GARNL3: variants seen among roughly 807,000 people sequenced by gnomAD.
The protein encoded by GARNL3 is GTPase activating Rap/RanGAP domain like 3.
Under a neutral mutation model 125.0 loss-of-function variants are expected in GARNL3, and 63 were observed. The ratio of observed to expected loss-of-function variants is 0.50; its 90% CI spans 0.41 to 0.62. The LOEUF is 0.62. Ranked by LOEUF, GARNL3 falls within the 20% of genes least tolerant of loss-of-function variation. The pLI is 0.00. For missense variants in GARNL3, 994 were observed against 1,244.0 expected (o/e 0.80, Z 3.02); for synonymous variants, 439 against 457.5 (o/e 0.96, Z 0.52).
chr9:127,300,754 C>A (rs754976607), intron 2 of GARNL3: 3 of 359,918 alleles, frequency 8.3e-6, no homozygotes, highest in Non-Finnish European at 1.6e-5. Flanking sequence ...CGCGCCTGGC[C>A]CTATTTGGGT....
At chr9:127,249,354 T>G (rs2063360174) in intron 2 of GARNL3, among the ~76,000 whole-genome samples, 1 of 150,742 alleles carries the variant, frequency 6.6e-6, no homozygotes, top group Admixed American at 6.6e-5. Flanking sequence ...GAGGCTGAGG[T>G]GGGTGGATCA....
At chr9:127,251,066 A>G (rs2063392995) in intron 2 of GARNL3, among the ~76,000 whole-genome samples, 1 of 152,176 alleles carries the variant, frequency 6.6e-6, no homozygotes, top group African/African-American at 2.4e-5. Context: ...ACCTCATCTC[A>G]AAGTACAGTA....
intron 4 of GARNL3, among the ~76,000 whole-genome samples, chr9:127,316,557 A>T (rs1380647585): frequency 6.6e-6 from 1 of 152,168 alleles, no homozygotes; most frequent in Non-Finnish European, 1.5e-5. Flanking sequence ...AATGGGAAGG[A>T]CCTGTAGAAT....
At chr9:127,367,186 C>T (rs1831331163) in intron 22 of GARNL3, 1 of 152,200 alleles carries the variant, frequency 6.6e-6, no homozygotes. Context: ...CACGGTCATC[C>T]AGGTCACTTC....
intron 12 of GARNL3, among the ~76,000 whole-genome samples, chr9:127,338,898 C>T (rs1829698625): frequency 6.6e-6 from 1 of 152,152 alleles, no homozygotes; most frequent in Non-Finnish European, 1.5e-5. Context: ...AGCAAATATT[C>T]CTGACACATC....
chr9:127,327,907 C>T (rs144385090), intron 7 of GARNL3, among the ~76,000 whole-genome samples: 114 of 152,254 alleles, frequency 7.5e-4, no homozygotes, highest in African/African-American at 2.4e-3. Flanking sequence ...ATGTTTGTTA[C>T]GTTTTATATA....
At position 127,342,249 on chromosome 9, in the gene GARNL3, C is replaced by CCA. The variant is rs772379268; in HGVS notation, c.1167_1168insAC (p.Pro390ThrfsTer15). Reference sequence around the variant, plus strand: ...AATGGTGAAAAAGCCACTTTGGAAACCCCAACATTTGCCCAGAAACGTCGG... The same window carrying CCA: ...AATGGTGAAAAAGCCACTTTGGAAACCACCCAACATTTGCCCAGAAACGTCGG... On this transcript the variant is annotated frameshift_variant, in exon 14 of 28. Coordinates refer to ENST00000373387, the MANE Select transcript of GARNL3 (RefSeq NM_032293.5). LOFTEE classifies it high-confidence loss of function. The CCA allele has an allele frequency of 6.2e-7, 1 of 1,613,602 alleles. No individual in the cohort carries two copies. The highest frequency in any genetic ancestry group is 8.5e-7 in the Non-Finnish European group (1 of 1,179,562).
At chr9:127,255,190 G>A (rs952405618) in intron 2 of GARNL3, among the ~76,000 whole-genome samples, 5 of 152,216 alleles carry the variant, frequency 3.3e-5, no homozygotes, top group African/African-American at 1.2e-4. Flanking sequence ...ATTCAAGGTG[G>A]CATGTAAAAG....
At chr9:127,313,943 A>G (rs2065163989) in intron 4 of GARNL3, among the ~76,000 whole-genome samples, 1 of 152,106 alleles carries the variant, frequency 6.6e-6, no homozygotes, top group Non-Finnish European at 1.5e-5. Flanking sequence ...TATGAGACCT[A>G]ATGGTCACAG....
chr9:127,299,656 C>T (rs748473291), intron 2 of GARNL3, among the ~76,000 whole-genome samples: 24 of 151,940 alleles, frequency 1.6e-4, no homozygotes, highest in Non-Finnish European at 2.2e-4. Flanking sequence ...CTGCAAGCTC[C>T]GCCTCCCGGG....
intron 22 of GARNL3, among the ~76,000 whole-genome samples, chr9:127,374,172 A>G (rs554358287): frequency 6.6e-6 from 1 of 152,300 alleles, no homozygotes; most frequent in East Asian, 1.9e-4. Context: ...GTGGTGGCTC[A>G]TGCCTGTAAT....
chr9:127,390,832 G>T (rs79145013), intron 27 of GARNL3, 65 bp downstream of exon 27: 19 of 1,519,976 alleles, frequency 1.3e-5, no homozygotes, highest in Non-Finnish European at 1.6e-5. Context: ...TGCCCAGGAG[G>T]CCCCTTCTGG....
In GARNL3 at chr9:127,342,342, T is replaced by G. The variant is rs1829905467; in HGVS notation, c.1251+8T>G. On this transcript the variant is annotated splice_region_variant and intron_variant, in intron 14 of 27. Transcript: ENST00000373387. ...ATGCCAGATTTGCATAAGGTAATTC[T>G]GGGTCCATGGTCTTCTTTCCTTCTT... 1 of 1,543,554 alleles carries G rather than the reference T, an allele frequency of 6.5e-7. No homozygotes were observed. Among genetic ancestry groups the G allele is most frequent in the Non-Finnish European group, 9.0e-7 (1 of 1,115,582 alleles).
chr9:127,380,370 T>G (rs1001385905), intron 22 of GARNL3, among the ~76,000 whole-genome samples: 6 of 152,178 alleles, frequency 3.9e-5, no homozygotes, highest in African/African-American at 1.4e-4. Flanking sequence ...GATGTAGATA[T>G]AGATACAAAG....
intron 1 of GARNL3, among the ~76,000 whole-genome samples, chr9:127,278,572 G>A (rs937382503): frequency 6.6e-6 from 1 of 152,170 alleles, no homozygotes; most frequent in Admixed American, 6.5e-5. Flanking sequence ...AACTTTACCT[G>A]CTTTTAAGTG....
upstream of GARNL3, among the ~76,000 whole-genome samples, chr9:127,261,569 C>A (rs562470257): frequency 6.6e-6 from 1 of 152,052 alleles, no homozygotes; most frequent in East Asian, 2.0e-4. Flanking sequence ...CACCACCATG[C>A]CTGGCTAATT....
At chr9:127,296,817 A>G (rs1291680179) in intron 2 of GARNL3, among the ~76,000 whole-genome samples, 3 of 151,962 alleles carry the variant, frequency 2.0e-5, no homozygotes, top group Non-Finnish European at 2.9e-5. Context: ...GACTGCCTCA[A>G]TCTTCAAACC....
At chr9:127,300,420 C>T in intron 2 of GARNL3, 2 of 402,236 alleles carry the variant, frequency 5.0e-6, no homozygotes, top group South Asian at 1.9e-5. Context: ...CTCTTCTGCC[C>T]CTGCTGTTCC....
At chr9:127,229,143 A>G (rs1453538280) in intron 1 of GARNL3, among the ~76,000 whole-genome samples, 1 of 152,146 alleles carries the variant, frequency 6.6e-6, no homozygotes, top group Non-Finnish European at 1.5e-5. Context: ...CTTAAGTAAA[A>G]GTGAATTCCT....
Sources: allele counts gnomAD v4.1 joint callset (sites outside exome capture counted in the v4.1 genomes callset), GRCh38; gene constraint gnomAD v4.1.1; transcripts MANE v1.5; gene names NCBI Gene and HGNC (gene_info 2026-07-23, HGNC 2026-07-21).